The following DCAF8 variants were observed in gnomAD, a reference collection of about 807,000 sequenced individuals.
The protein encoded by DCAF8 is DDB1- and CUL4-associated factor 8.
A neutral mutation model predicts 68.0 loss-of-function variants in DCAF8; 20 were observed. That is an observed-to-expected ratio of 0.29 (90% CI 0.21 to 0.43). DCAF8 has a LOEUF of 0.43. DCAF8 is among the 20% of genes least tolerant of loss of function. The pLI is 1.00. For missense variants in DCAF8, 460 were observed against 771.0 expected, an observed-to-expected ratio of 0.60 and a Z score of 4.78; for synonymous variants, 230 against 276.9, an observed-to-expected ratio of 0.83 and a Z score of 1.68.
At chr1:160,242,174 G>A (rs778139720) in intron 3 of DCAF8, among the ~76,000 whole-genome samples, 6 of 151,936 alleles carry the variant, frequency 3.9e-5, no homozygotes, top group Non-Finnish European at 5.9e-5. Flanking sequence ...GAACCTGGGA[G>A]GTGGAGGCTG....
chr1:160,250,826 T>C (rs1333071630), intron 2 of DCAF8, among the ~76,000 whole-genome samples: 3 of 152,220 alleles, frequency 2.0e-5, no homozygotes, highest in Non-Finnish European at 4.4e-5. Flanking sequence ...GGTTGTACTA[T>C]TAATTTGTAT....
intron 6 of DCAF8, 55 bp downstream of exon 6, chr1:160,237,080 A>C (rs1655922534): frequency 8.1e-7 from 1 of 1,239,928 alleles, no homozygotes. Flanking sequence ...AGACATATGG[A>C]ATATGTTCAA....
rs763263130 is a variant in DCAF8 at position 160,239,924 on chromosome 1, T to C, written c.496A>G (p.Ser166Gly). Residue 166 changes from serine (S) to glycine (G), a missense_variant, in exon 4 of 14, where the codon AGT becomes GGT. By Grantham distance (56) the Ser-to-Gly change is moderately conservative (BLOSUM62 0). This residue lies in a region of DCAF8 where 170 missense variants were observed against 318.2 expected (regional missense o/e 0.53). Transcript: ENST00000368074. ...PALRERELGS[S>G]ARFVYEACGA... Reference sequence around the variant, plus strand: ...CAGGCCTCATAGACAAAGCGGGCACTTGAACCCAGCTCCCGCTCCCGAAGG... The same window carrying C: ...CAGGCCTCATAGACAAAGCGGGCACCTGAACCCAGCTCCCGCTCCCGAAGG... 2 of 1,614,232 alleles carry C rather than the reference T, an allele frequency of 1.2e-6. No homozygotes were observed. Among genetic ancestry groups the C allele is most frequent in the Admixed American group, 3.3e-5 (2 of 60,036 alleles).
chr1:160,226,476 T>C (rs1655477250), intron 7 of DCAF8, among the ~76,000 whole-genome samples: 1 of 152,214 alleles, frequency 6.6e-6, no homozygotes, highest in African/African-American at 2.4e-5. Flanking sequence ...AATATTATGC[T>C]AGGTGCTAGA....
At chr1:160,232,891 C>A (rs1206018735) in intron 6 of DCAF8, among the ~76,000 whole-genome samples, 1 of 152,096 alleles carries the variant, frequency 6.6e-6, no homozygotes, top group Non-Finnish European at 1.5e-5. Flanking sequence ...CTGAAGAAAT[C>A]CAGAATAATC....
chr1:160,244,450 A>G (rs985444143), intron 2 of DCAF8, among the ~76,000 whole-genome samples: 3 of 152,204 alleles, frequency 2.0e-5, no homozygotes, highest in Admixed American at 1.3e-4. Context: ...TAAATAAGTG[A>G]CATATGTATC....
At chr1:160,235,870 C>G (rs1655857319) in intron 6 of DCAF8, among the ~76,000 whole-genome samples, 1 of 152,062 alleles carries the variant, frequency 6.6e-6, no homozygotes, top group South Asian at 2.1e-4. Context: ...TCCTGAGTAG[C>G]TAGGGTTACA....
chr1:160,222,609 G>A (rs762065942), intron 11 of DCAF8, 42 bp downstream of exon 11: 21 of 1,609,938 alleles, frequency 1.3e-5, no homozygotes, highest in Non-Finnish European at 1.8e-5. Context: ...CTTAATGACT[G>A]GAGAGATTAG....
chr1:160,229,305 A>C (rs1208276376), intron 7 of DCAF8, among the ~76,000 whole-genome samples: 2 of 152,088 alleles, frequency 1.3e-5, no homozygotes, highest in Admixed American at 6.5e-5. Context: ...CAAAAAAAAA[A>C]CAAAAATCTT....
intron 2 of DCAF8, among the ~76,000 whole-genome samples, 159 bp from the exon 3 acceptor site, chr1:160,244,193 T>C (rs1656230175): frequency 6.6e-6 from 1 of 152,232 alleles, no homozygotes; most frequent in South Asian, 2.1e-4. Flanking sequence ...TGAAATTTTT[T>C]CTTCCTTATG....
intron 2 of DCAF8, among the ~76,000 whole-genome samples, chr1:160,251,164 A>T (rs1028086746): frequency 7.2e-5 from 11 of 152,190 alleles, no homozygotes; most frequent in Admixed American, 5.2e-4. Context: ...ATAAGAAAAT[A>T]CTTCAATTAT....
At chr1:160,235,236 C>T (rs924420232) in intron 6 of DCAF8, among the ~76,000 whole-genome samples, 4 of 151,862 alleles carry the variant, frequency 2.6e-5, no homozygotes, top group Admixed American at 1.3e-4. Context: ...TGGGCTCAAG[C>T]GATTCTCCTG....
At chr1:160,221,891 A>G (rs548047915) in intron 11 of DCAF8, among the ~76,000 whole-genome samples, 143 of 151,496 alleles carry the variant, frequency 9.4e-4, no homozygotes, top group Admixed American at 1.9e-3. Context: ...TCATTCCCTA[A>G]CTCGATTCTC....
chr1:160,221,346 C>A (rs1299711333), intron 11 of DCAF8: 1 of 152,220 alleles, frequency 6.6e-6, no homozygotes, highest in African/African-American at 2.4e-5. Flanking sequence ...GCAGATGACA[C>A]AGGGGGACCT....
At position 160,217,515 on chromosome 1, in the gene DCAF8, A is replaced by T; in HGVS notation, c.*77T>A. 9.5e-7 allele frequency: 1 copy of T among 1,057,786 alleles called. No homozygotes were observed. The highest frequency in any genetic ancestry group is 1.4e-6 in the Non-Finnish European group (1 of 712,936). The allele number at this position is 1,057,786 out of a possible 1,614,324, so 65.5% of individuals were successfully genotyped here. ...TCCAAAGTGCGTTTCTGCTGAATGTAGGGCCTGGGACAGGAAAGGGTTGCC... is the reference window on the plus strand; with the variant it reads ...TCCAAAGTGCGTTTCTGCTGAATGTTGGGCCTGGGACAGGAAAGGGTTGCC... On this transcript the variant is annotated 3_prime_UTR_variant, in exon 14 of 14. Transcript: ENST00000368074.
chr1:160,230,979 T>A (rs1209369306), intron 7 of DCAF8, among the ~76,000 whole-genome samples: 1 of 151,320 alleles, frequency 6.6e-6, no homozygotes. Context: ...GGTCCCAAAC[T>A]CCTGTCCTTA....
intron 1 of DCAF8, chr1:160,262,242 G>A (rs540864405): frequency 1.0e-4 from 40 of 398,564 alleles, no homozygotes; most frequent in East Asian, 2.5e-4. Context: ...GGAAGCGAGG[G>A]GGGGCGCAGG....
At chr1:160,244,429 A>C (rs1484549735) in intron 2 of DCAF8, among the ~76,000 whole-genome samples, 1 of 152,200 alleles carries the variant, frequency 6.6e-6, no homozygotes, top group Non-Finnish European at 1.5e-5. Context: ...CTAGGCAAGA[A>C]TCTTCCAATG....
In DCAF8 at chr1:160,216,191, C is replaced by T. The variant is rs1156231500; in HGVS notation, c.*1401G>A. 1 of 152,098 alleles carries T rather than the reference C, an allele frequency of 6.6e-6. No homozygotes were observed. The highest frequency in any genetic ancestry group is 6.5e-5 in the Admixed American group (1 of 15,272). The allele number at this position is 152,098 out of a possible 1,614,324, so 9.4% of individuals were successfully genotyped here. ...ATCAAGAGGTGGACAAGGTTTAAGT[C>T]AAACCCAGGAAGTCTTTCCCTTCAC... On this transcript the variant is annotated 3_prime_UTR_variant, in exon 14 of 14. Coordinates refer to ENST00000368074, the MANE Select transcript of DCAF8 (RefSeq NM_015726.4).
Sources: gnomAD v4.1 joint callset for allele counts (sites outside exome capture counted in the v4.1 genomes callset) on GRCh38, gnomAD v4.1.1 for gene constraint, gnomAD v4.1.1 regional missense constraint, MANE v1.5 for transcripts, NCBI Gene and HGNC (gene_info 2026-07-23, HGNC 2026-07-21) for gene names.